DSE: variants seen among roughly 807,000 people sequenced by gnomAD.
DSE encodes dermatan-sulfate epimerase.
A neutral mutation model predicts 84.4 loss-of-function variants in DSE; 36 were observed. That is an observed-to-expected ratio of 0.43 (90% CI 0.33 to 0.56). DSE has a LOEUF of 0.56. Among genes scored for constraint, DSE ranks in the 20% least tolerant of loss-of-function variants. The probability of loss-of-function intolerance (pLI) is 0.06; values close to 1 mark genes in which losing one functional copy is unlikely to be tolerated. For synonymous variants in DSE, 410 were observed against 430.1 expected, an observed-to-expected ratio of 0.95 and a Z score of 0.58; for missense variants, 862 against 1,169.6, an observed-to-expected ratio of 0.74 and a Z score of 3.84.
chr6:116,324,232 C>T (rs946830345), intron 2 of DSE, among the ~76,000 whole-genome samples: 2 of 152,216 alleles, frequency 1.3e-5, no homozygotes, highest in African/African-American at 4.8e-5. Context: ...TTATATCTTA[C>T]TTCATCAGCT....
At chr6:116,348,215 C>T (rs1274966564) in intron 2 of DSE, among the ~76,000 whole-genome samples, 3 of 152,126 alleles carry the variant, frequency 2.0e-5, no homozygotes, top group Non-Finnish European at 2.9e-5. Context: ...ATTGTGAGGT[C>T]AGGAGATCAA....
exon 2 of DSE, chr6:116,258,611 T>G: frequency 6.2e-7 from 1 of 1,612,282 alleles, no homozygotes; most frequent in Non-Finnish European, 8.5e-7. Flanking sequence ...CACTCAGCAA[T>G]GGTCTTAATG....
chr6:116,291,672 C>T (rs1488841893), intron 2 of DSE, among the ~76,000 whole-genome samples: 5 of 151,710 alleles, frequency 3.3e-5, no homozygotes, highest in Non-Finnish European at 7.4e-5. Flanking sequence ...TGGACAGTGT[C>T]AGAAAATAAT....
upstream of DSE, chr6:116,367,015 A>G (rs1234840314): frequency 6.6e-6 from 1 of 152,250 alleles, no homozygotes; most frequent in Non-Finnish European, 1.5e-5. Context: ...AAAGATGAAA[A>G]CTAAGCCCAC....
intron 2 of DSE, chr6:116,259,152 G>A (rs528337657): frequency 5.2e-5 from 54 of 1,038,596 alleles, no homozygotes; most frequent in East Asian, 1.0e-4. Context: ...GTTGCTCGAC[G>A]TAGACCATGC....
At chr6:116,337,359 C>T (rs1777315494) in intron 2 of DSE, among the ~76,000 whole-genome samples, 1 of 152,200 alleles carries the variant, frequency 6.6e-6, no homozygotes, top group African/African-American at 2.4e-5. Context: ...TGCCTATAAT[C>T]CCAGCACTTT....
chr6:116,379,718 T>A (rs1780114147), intron 1 of DSE, among the ~76,000 whole-genome samples: 1 of 152,226 alleles, frequency 6.6e-6, no homozygotes, highest in Admixed American at 6.5e-5. Flanking sequence ...TTAAAATTTT[T>A]AGACTTCATG....
At chr6:116,262,898 C>T (rs753850637) in intron 2 of DSE, among the ~76,000 whole-genome samples, 1 of 152,130 alleles carries the variant, frequency 6.6e-6, no homozygotes, top group Non-Finnish European at 1.5e-5. Flanking sequence ...GCAGGTTATT[C>T]AATTTCCATG....
intron 1 of DSE, among the ~76,000 whole-genome samples, chr6:116,385,356 C>T (rs981860400): frequency 2.6e-5 from 4 of 152,084 alleles, no homozygotes; most frequent in Non-Finnish European, 5.9e-5. Flanking sequence ...GGAGAATGAT[C>T]TTAGGGAGGT....
At chr6:116,372,489 C>G (rs1235843214) in intron 1 of DSE, among the ~76,000 whole-genome samples, 9 of 152,260 alleles carry the variant, frequency 5.9e-5, no homozygotes, top group Non-Finnish European at 1.2e-4. Flanking sequence ...CAATGATAAT[C>G]TCTATGTGAA....
At chr6:116,301,125 A>C (rs1035639978) in intron 2 of DSE, among the ~76,000 whole-genome samples, 5 of 145,986 alleles carry the variant, frequency 3.4e-5, no homozygotes, top group Admixed American at 6.8e-5. Flanking sequence ...TCAGGGTGAA[A>C]GATTTTAGAG....
In DSE at chr6:116,289,834, T is replaced by G. The variant is rs115453086; in HGVS notation, c.-54+30867T>G. On this transcript the variant is annotated intron_variant, in intron 2 of 3. Coordinates refer to the DSE transcript ENST00000430252. ...CTTGTGAGTTCTTTGGCTCTGAGAC[T>G]ATATTATAACTTCACTGGGTTTGTA... Among the ~76,000 whole-genome samples, 467 of 152,208 alleles carry G rather than the reference T, an allele frequency of 3.1e-3. 5 individuals carry two copies. Among genetic ancestry groups the G allele is most frequent in the African/African-American group, 0.011 (447 of 41,560 alleles).
chr6:116,303,126 A>G (rs1253991340), intron 2 of DSE, among the ~76,000 whole-genome samples: 1 of 151,900 alleles, frequency 6.6e-6, no homozygotes, highest in African/African-American at 2.4e-5. Flanking sequence ...CCTTTAGTAC[A>G]AGTTCCTTCC....
chr6:116,398,533 A>G (rs936573969), intron 1 of DSE, among the ~76,000 whole-genome samples: 2 of 152,232 alleles, frequency 1.3e-5, no homozygotes, highest in African/African-American at 4.8e-5. Context: ...TTCTGGTCCC[A>G]GTGGCACTGT....
chr6:116,367,704 T>C (rs1779245295), upstream of DSE, among the ~76,000 whole-genome samples: 1 of 152,192 alleles, frequency 6.6e-6, no homozygotes. Context: ...AGGGATAAAA[T>C]AAGCTTTCAA....
chr6:116,347,080 T>G (rs1778022393), intron 2 of DSE, among the ~76,000 whole-genome samples: 1 of 152,188 alleles, frequency 6.6e-6, no homozygotes, highest in African/African-American at 2.4e-5. Flanking sequence ...GAAGGACTTC[T>G]TATGGAGAAC....
chr6:116,420,484 G>T (rs1003915743), intron 2 of DSE, among the ~76,000 whole-genome samples: 1 of 152,160 alleles, frequency 6.6e-6, no homozygotes, highest in Non-Finnish European at 1.5e-5. Flanking sequence ...GACAGGCCAG[G>T]TGAGCACACA....
At chr6:116,279,417 C>T in intron 2 of DSE, 1 of 1,613,440 alleles carries the variant, frequency 6.2e-7, no homozygotes, top group African/African-American at 1.3e-5. Flanking sequence ...ACGCGGATCT[C>T]TGGGCGCCAC....
exon 2 of DSE, chr6:116,258,855 G>A: frequency 1.2e-6 from 2 of 1,607,888 alleles, no homozygotes; most frequent in Non-Finnish European, 1.7e-6. Flanking sequence ...ACACAGTCAT[G>A]AGCTTCTTGC....
Sources: allele counts gnomAD v4.1 joint callset (sites outside exome capture counted in the v4.1 genomes callset), GRCh38; gene constraint gnomAD v4.1.1; transcripts MANE v1.5; gene names NCBI Gene and HGNC (gene_info 2026-07-23, HGNC 2026-07-21).